Variants in HECW2 observed in about 807,000 individuals in gnomAD.
The protein encoded by HECW2 is HECT, C2 and WW domain containing E3 ubiquitin protein ligase 2.
In HECW2, 61 loss-of-function variants were observed where a neutral mutation model predicts 175.2. The ratio of observed to expected loss-of-function variants is 0.35; its 90% CI spans 0.28 to 0.43. The LOEUF (loss-of-function observed/expected upper bound fraction) is 0.43. Ranked by LOEUF, HECW2 falls within the 20% of genes least tolerant of loss-of-function variation. The pLI is 1.00. For missense variants in HECW2, 1,524 were observed against 2,000.5 expected (o/e 0.76, Z 4.54); for synonymous variants, 671 against 731.0 (o/e 0.92, Z 1.32).
chr2:196,490,288 C>G (rs1205611998), intron 1 of HECW2, among the ~76,000 whole-genome samples: 1 of 152,200 alleles, frequency 6.6e-6, no homozygotes, highest in African/African-American at 2.4e-5. Flanking sequence ...AAGGTTGTCC[C>G]TCTTTCCCTC....
At chr2:196,418,486 TATA>T (rs1695318412) in intron 2 of HECW2, among the ~76,000 whole-genome samples, 1 of 152,122 alleles carries the variant, frequency 6.6e-6, no homozygotes, top group African/African-American at 2.4e-5. Flanking sequence ...GTACTAGAGG[TATA>T]ATAACTATAT....
intron 2 of HECW2, among the ~76,000 whole-genome samples, chr2:196,424,122 T>TGCC (rs1462713844): frequency 1.3e-5 from 2 of 152,112 alleles, no homozygotes; most frequent in African/African-American, 2.4e-5. Context: ...ATTATTATTA[T>TGCC]GCCTGTCGTG....
intron 1 of HECW2, among the ~76,000 whole-genome samples, chr2:196,434,408 C>T (rs1046307881): frequency 6.6e-6 from 1 of 152,148 alleles, no homozygotes; most frequent in African/African-American, 2.4e-5. Flanking sequence ...TCCCGATAAG[C>T]TATTTCCTTT....
rs1465208070 is a variant in HECW2 at position 196,199,866 on chromosome 2, A to C, written c.*1411T>G. On this transcript the variant is annotated 3_prime_UTR_variant, in exon 29 of 29. Transcript: ENST00000644978. Reference sequence around the variant, plus strand: ...GAAAAACTGTCTCTTAATATTAATAAGAAAATTATGCATCAGTGAAAATGC... The same window carrying C: ...GAAAAACTGTCTCTTAATATTAATACGAAAATTATGCATCAGTGAAAATGC... 2.0e-5 allele frequency: 3 copies of C among 152,388 alleles called. No homozygotes were observed. Among genetic ancestry groups the C allele is most frequent in the Non-Finnish European group, 4.4e-5 (3 of 68,014 alleles). 9.4% of individuals were successfully genotyped at this position (152,388 alleles called of 1,614,324 possible).
At chr2:196,423,887 A>G (rs1695472418) in intron 2 of HECW2, among the ~76,000 whole-genome samples, 1 of 152,000 alleles carries the variant, frequency 6.6e-6, no homozygotes, top group African/African-American at 2.4e-5. Flanking sequence ...TGGGTCATAT[A>G]GTATTTATAT....
intron 26 of HECW2, chr2:196,217,940 T>C (rs930228669): frequency 1.3e-4 from 20 of 152,348 alleles, no homozygotes; most frequent in African/African-American, 4.1e-4. Flanking sequence ...AAATTTTTCC[T>C]CACATTTCAG....
intron 1 of HECW2, among the ~76,000 whole-genome samples, chr2:196,487,895 T>C (rs1431515539): frequency 6.6e-6 from 1 of 152,214 alleles, no homozygotes; most frequent in Non-Finnish European, 1.5e-5. Context: ...AGTCCTTAGG[T>C]CTTTCAGGAC....
intron 1 of HECW2, among the ~76,000 whole-genome samples, chr2:196,477,500 T>C (rs543455141): frequency 6.6e-6 from 1 of 152,364 alleles, no homozygotes; most frequent in African/African-American, 2.4e-5. Flanking sequence ...AATGCATTTT[T>C]CCTCAAAATC....
intron 10 of HECW2, among the ~76,000 whole-genome samples, chr2:196,312,050 A>G (rs768824195): frequency 3.9e-5 from 6 of 152,104 alleles, no homozygotes; most frequent in Non-Finnish European, 8.8e-5. Context: ...AAATCAACAT[A>G]TGTGGGAAGG....
chr2:196,227,666 T>G (rs1019303981), intron 22 of HECW2, among the ~76,000 whole-genome samples: 2 of 152,092 alleles, frequency 1.3e-5, no homozygotes, highest in Middle Eastern at 3.2e-3. Flanking sequence ...CCCTGTCTCC[T>G]CCTCCCATGG....
intron 25 of HECW2, among the ~76,000 whole-genome samples, chr2:196,220,370 A>G (rs2105815369): frequency 6.6e-6 from 1 of 152,310 alleles, no homozygotes; most frequent in Middle Eastern, 3.4e-3. Flanking sequence ...TTTATAATTG[A>G]TTGCTGATTA....
intron 1 of HECW2, among the ~76,000 whole-genome samples, chr2:196,587,046 G>A (rs1202624746): frequency 6.6e-6 from 1 of 152,144 alleles, no homozygotes; most frequent in Non-Finnish European, 1.5e-5. Context: ...CTTTCCAGCT[G>A]ATTTTCCAAG....
intron 2 of HECW2, among the ~76,000 whole-genome samples, chr2:196,387,350 C>A (rs1391288781): frequency 6.6e-6 from 1 of 152,042 alleles, no homozygotes; most frequent in Non-Finnish European, 1.5e-5. Flanking sequence ...GAGGATAAAG[C>A]CCTCATGAAT....
At chr2:196,267,471 T>A (rs1236594997) in intron 17 of HECW2, among the ~76,000 whole-genome samples, 1 of 152,062 alleles carries the variant, frequency 6.6e-6, no homozygotes. Flanking sequence ...ATTTTACAGA[T>A]GTGGTACTGA....
intron 10 of HECW2, among the ~76,000 whole-genome samples, chr2:196,315,146 ATGAGTGTG>A (rs1172728474): frequency 1.3e-5 from 1 of 76,552 alleles, no homozygotes; most frequent in African/African-American, 5.4e-5. Context: ...GCACGAGTGT[ATGAGTGTG>A]TGTGTGTGTG....
intron 1 of HECW2, among the ~76,000 whole-genome samples, chr2:196,543,833 C>G (rs150473493): frequency 1.3e-5 from 2 of 152,288 alleles, no homozygotes; most frequent in East Asian, 3.9e-4. Flanking sequence ...AGGCTGGTCT[C>G]GAATTCCAGA....
In HECW2 at chr2:196,278,149, T is replaced by TATATATATATATATATATATATATATAA. The variant is rs1481136211; in HGVS notation, c.3135+378_3135+379insTTATATATATATATATATATATATATAT. Among the ~76,000 whole-genome samples, 18 of 119,592 alleles carry TATATATATATATATATATATATATATAA rather than the reference T, an allele frequency of 1.5e-4. 1 individual carries two copies. The highest frequency in any genetic ancestry group is 5.0e-4 in the African/African-American group (18 of 36,126). 78.5% of individuals were successfully genotyped at this position (119,592 alleles called of 152,430 possible). A position where few individuals can be genotyped will look rare whatever the true frequency, so the allele number is the denominator to read the frequency against. ...TAATTAAAAAATATATATATATATA[T>TATATATATATATATATATATATATATAA]ATAAAGAAATTCCACATTTAACCAA... On this transcript the variant is annotated intron_variant, in intron 15 of 28. Coordinates refer to ENST00000644978, the MANE Select transcript of HECW2 (RefSeq NM_001348768.2).
chr2:196,254,869 C>T (rs1042334671), intron 18 of HECW2, among the ~76,000 whole-genome samples: 2 of 152,090 alleles, frequency 1.3e-5, no homozygotes, highest in East Asian at 1.9e-4. Context: ...GGTTTATTGG[C>T]TATTCATACT....
rs766661468 is a variant in HECW2 at position 196,325,062 on chromosome 2, C to G, written c.659G>C (p.Ser220Thr). Residue 220 changes from serine to threonine, a missense_variant, in exon 6 of 29, where the codon AGT becomes ACT. This residue lies in a region of HECW2 where 95 missense variants were observed against 136.8 expected (regional missense o/e 0.69). Coordinates refer to ENST00000644978, the MANE Select transcript of HECW2 (RefSeq NM_001348768.2). ...CCCGTGGTGGGCACAGGTGGGGAAA[C>G]TGCTCTTCTTTCCTGGCTGAATTGA... ...KMSIQPGKKS[S>T]FPTCAHHGQE... 1 of 1,612,586 alleles carries G rather than the reference C, an allele frequency of 6.2e-7. No individual in the cohort carries two copies. The highest frequency in any genetic ancestry group is 8.5e-7 in the Non-Finnish European group (1 of 1,179,466).
Sources: gnomAD v4.1 joint callset for allele counts (sites outside exome capture counted in the v4.1 genomes callset) on GRCh38, gnomAD v4.1.1 for gene constraint, gnomAD v4.1.1 regional missense constraint, MANE v1.5 for transcripts, NCBI Gene and HGNC (gene_info 2026-07-23, HGNC 2026-07-21) for gene names.